PARM1: variants seen among roughly 807,000 people sequenced by gnomAD.
PARM1 encodes the protein WSC4, cell wall integrity and stress response component 4 homolog.
PARM1 carries 14 observed loss-of-function variants against 24.6 expected under a neutral mutation model. That is an observed-to-expected ratio of 0.57 (90% confidence interval 0.38 to 0.89). The LOEUF is 0.89. Among genes scored for constraint, PARM1 ranks in the 40% least tolerant of loss-of-function variants. The pLI, the probability that PARM1 is intolerant of heterozygous loss-of-function variation, is 0.00. For missense variants in PARM1, 362 were observed against 380.4 expected (o/e 0.95, Z 0.40); for synonymous variants, 179 against 156.6 (o/e 1.14, Z -1.07).
intron 1 of PARM1, among the ~76,000 whole-genome samples, chr4:74,999,867 G>A (rs377636986): frequency 1.2e-4 from 19 of 152,188 alleles, no homozygotes; most frequent in Middle Eastern, 3.4e-3. Flanking sequence ...GATGCGTGTC[G>A]TATCATGACT....
At chr4:74,953,426 A>G (rs1032256699) in intron 1 of PARM1, among the ~76,000 whole-genome samples, 2 of 152,234 alleles carry the variant, frequency 1.3e-5, no homozygotes, top group African/African-American at 2.4e-5. Flanking sequence ...TGCTGAGATA[A>G]AAAGTTACAA....
rs574216061 is a variant in PARM1 at position 74,963,085 on chromosome 4, A to AGGTG, written c.43+29716_43+29719dup. On this transcript the variant is annotated intron_variant, in intron 1 of 3. Coordinates refer to ENST00000307428, the MANE Select transcript of PARM1 (RefSeq NM_015393.4). Reference sequence around the variant, plus strand: ...ACTCCATCCTGTCACGCTGTGAAGAAGGTGCCTGTTTCTCCTTTGCCTTCT... The same window carrying AGGTG: ...ACTCCATCCTGTCACGCTGTGAAGAAGGTGGGTGCCTGTTTCTCCTTTGCCTTCT... Among the ~76,000 whole-genome samples the AGGTG allele has an allele frequency of 2.2e-3, 333 of 152,300 alleles. 2 individuals carry two copies. The highest frequency in any genetic ancestry group is 7.7e-3 in the African/African-American group (322 of 41,570).
intron 1 of PARM1, among the ~76,000 whole-genome samples, chr4:75,005,562 T>A (rs1007705209): frequency 2.0e-5 from 3 of 152,140 alleles, no homozygotes; most frequent in Non-Finnish European, 4.4e-5. Context: ...CTCAGCACCA[T>A]AAGAACTCAC....
intron 3 of PARM1, among the ~76,000 whole-genome samples, chr4:75,037,097 C>T (rs1248176170): frequency 6.6e-6 from 1 of 152,162 alleles, no homozygotes; most frequent in African/African-American, 2.4e-5. Context: ...CCCCATTAAT[C>T]GTTCATCAAA....
At chr4:75,044,721 A>T (rs967231988) in intron 3 of PARM1, among the ~76,000 whole-genome samples, 2 of 152,070 alleles carry the variant, frequency 1.3e-5, no homozygotes, top group African/African-American at 4.8e-5. Flanking sequence ...TCTGATAAAC[A>T]TACCCGAGAC....
At chr4:74,962,316 A>T (rs1215868182) in intron 1 of PARM1, among the ~76,000 whole-genome samples, 1 of 152,180 alleles carries the variant, frequency 6.6e-6, no homozygotes, top group Non-Finnish European at 1.5e-5. Context: ...ATACACAGAA[A>T]AAGGAGAAAA....
At chr4:75,020,465 G>C (rs979388864) in intron 2 of PARM1, among the ~76,000 whole-genome samples, 1 of 150,264 alleles carries the variant, frequency 6.7e-6, no homozygotes, top group Non-Finnish European at 1.5e-5. Flanking sequence ...TAATCCCACC[G>C]CAATAGCCTC....
At chr4:74,941,314 GGAAGTGT>G (rs1182521644) in intron 1 of PARM1, among the ~76,000 whole-genome samples, 1 of 152,196 alleles carries the variant, frequency 6.6e-6, no homozygotes. Context: ...GCTGGGGGCA[GGAAGTGT>G]GATATCAAAT....
intron 1 of PARM1, among the ~76,000 whole-genome samples, chr4:74,961,249 AT>A (rs1339420545): frequency 1.3e-5 from 2 of 152,158 alleles, no homozygotes; most frequent in African/African-American, 2.4e-5. Flanking sequence ...GAAATTGTCA[AT>A]TCTGGAGAAA....
At chr4:75,042,467 T>G (rs1480870949) in intron 3 of PARM1, among the ~76,000 whole-genome samples, 1 of 152,222 alleles carries the variant, frequency 6.6e-6, no homozygotes, top group Non-Finnish European at 1.5e-5. Flanking sequence ...AAAGAGACCT[T>G]GGTTTCATTA....
chr4:75,033,165 C>T (rs1723303283), intron 2 of PARM1, among the ~76,000 whole-genome samples: 1 of 152,190 alleles, frequency 6.6e-6, no homozygotes, highest in African/African-American at 2.4e-5. Flanking sequence ...TATATTGCAC[C>T]AAGATATTTC....
intron 1 of PARM1, among the ~76,000 whole-genome samples, chr4:75,008,085 C>T (rs1027561084): frequency 6.6e-6 from 1 of 152,194 alleles, no homozygotes; most frequent in Admixed American, 6.5e-5. Flanking sequence ...TGCCTTAGCC[C>T]TGGCTATCTT....
intron 1 of PARM1, among the ~76,000 whole-genome samples, chr4:74,997,552 G>A (rs1393673370): frequency 6.6e-6 from 1 of 152,184 alleles, no homozygotes; most frequent in Non-Finnish European, 1.5e-5. Context: ...TGGATAAGGT[G>A]TAGGATAATG....
chr4:74,963,534 A>G (rs1278863720), intron 1 of PARM1, among the ~76,000 whole-genome samples: 1 of 152,242 alleles, frequency 6.6e-6, no homozygotes, highest in Non-Finnish European at 1.5e-5. Context: ...CATTTTGCTG[A>G]GTGAATGAAA....
At chr4:74,974,624 A>G (rs143168879) in intron 1 of PARM1, among the ~76,000 whole-genome samples, 1 of 152,320 alleles carries the variant, frequency 6.6e-6, no homozygotes, top group Non-Finnish European at 1.5e-5. Flanking sequence ...GTGAATGCAC[A>G]TGTTATTGTG....
At chr4:75,032,346 TAGAAGTTACTAAAGAATTA>T (rs1723290581) in intron 2 of PARM1, among the ~76,000 whole-genome samples, 1 of 152,210 alleles carries the variant, frequency 6.6e-6, no homozygotes, top group African/African-American at 2.4e-5. Context: ...CAGAGCTTTT[TAGAAGTTACTAAAGAATTA>T]ACAAGTGGAC....
intron 1 of PARM1, among the ~76,000 whole-genome samples, chr4:75,010,675 G>T (rs1722854898): frequency 6.6e-6 from 1 of 152,286 alleles, no homozygotes; most frequent in South Asian, 2.1e-4. Context: ...AAGCAATTCT[G>T]GATTTTGTTC....
intron 2 of PARM1, among the ~76,000 whole-genome samples, chr4:75,021,313 A>G (rs980605694): frequency 7.2e-5 from 11 of 152,208 alleles, no homozygotes; most frequent in African/African-American, 2.6e-4. Context: ...TCTGCTGCCC[A>G]CACCAAGCCC....
At chr4:75,011,361 A>T (rs142548621) in intron 1 of PARM1, among the ~76,000 whole-genome samples, 64 of 152,236 alleles carry the variant, frequency 4.2e-4, no homozygotes, top group Middle Eastern at 3.4e-3. Context: ...TTGATGTGGG[A>T]TGTGAGGGAA....
Sources: gnomAD v4.1 joint callset for allele counts (sites outside exome capture counted in the v4.1 genomes callset) on GRCh38, gnomAD v4.1.1 for gene constraint, MANE v1.5 for transcripts, NCBI Gene and HGNC (gene_info 2026-07-23, HGNC 2026-07-21) for gene names.